The following DNER variants were observed in gnomAD, a reference collection of about 807,000 sequenced individuals.
The protein encoded by DNER is delta/notch like EGF repeat containing.
A neutral mutation model predicts 78.2 loss-of-function variants in DNER; 33 were observed. The observed-to-expected ratio is 0.42, with a 90% CI of 0.32 to 0.56. The LOEUF (loss-of-function observed/expected upper bound fraction) is 0.56. DNER is among the 20% of genes least tolerant of loss of function. DNER has a pLI of 0.11. For missense variants in DNER, 918 were observed against 975.3 expected, an observed-to-expected ratio of 0.94 and a Z score of 0.78; for synonymous variants, 417 against 384.8, an observed-to-expected ratio of 1.08 and a Z score of -0.98.
At chr2:229,368,546 A>C (rs926949379) in intron 11 of DNER, among the ~76,000 whole-genome samples, 3 of 152,248 alleles carry the variant, frequency 2.0e-5, no homozygotes, top group African/African-American at 7.2e-5. Context: ...GTTACCAAAC[A>C]GGATCTACTT....
At chr2:229,596,176 A>G (rs533344471) in intron 1 of DNER, among the ~76,000 whole-genome samples, 1 of 152,316 alleles carries the variant, frequency 6.6e-6, no homozygotes, top group South Asian at 2.1e-4. Context: ...AACATTTACT[A>G]AATGAATGAA....
chr2:229,419,373 T>C (rs758359989), intron 8 of DNER, among the ~76,000 whole-genome samples: 4 of 152,172 alleles, frequency 2.6e-5, no homozygotes, highest in Non-Finnish European at 5.9e-5. Flanking sequence ...CATGTGAGTG[T>C]TTTCAAAAGT....
intron 4 of DNER, among the ~76,000 whole-genome samples, chr2:229,564,892 G>A (rs551042628): frequency 6.6e-6 from 1 of 152,178 alleles, no homozygotes; most frequent in African/African-American, 2.4e-5. Context: ...AGTACAAGTA[G>A]ATTGAGTTCC....
At chr2:229,680,827 T>G (rs1049183857) in intron 1 of DNER, among the ~76,000 whole-genome samples, 1 of 152,212 alleles carries the variant, frequency 6.6e-6, no homozygotes, top group South Asian at 2.1e-4. Flanking sequence ...GAAAACCATA[T>G]AGAGAACAGT....
At chr2:229,622,369 C>A (rs921003522) in intron 1 of DNER, among the ~76,000 whole-genome samples, 24 of 152,168 alleles carry the variant, frequency 1.6e-4, no homozygotes, top group African/African-American at 5.8e-4. Flanking sequence ...AGGCCAGACA[C>A]AAAACCCTCA....
chr2:229,545,707 C>T (rs990869379), intron 5 of DNER, among the ~76,000 whole-genome samples: 1 of 152,244 alleles, frequency 6.6e-6, no homozygotes, highest in African/African-American at 2.4e-5. Context: ...GGAAGCTGTA[C>T]TCGGGCCTTG....
intron 5 of DNER, among the ~76,000 whole-genome samples, chr2:229,519,594 T>C (rs1479200315): frequency 6.6e-6 from 1 of 152,006 alleles, no homozygotes; most frequent in Non-Finnish European, 1.5e-5. Flanking sequence ...GTGTCCCAGC[T>C]GGCAAGCAGA....
At chr2:229,427,082 A>G (rs987879962) in intron 8 of DNER, among the ~76,000 whole-genome samples, 1 of 152,232 alleles carries the variant, frequency 6.6e-6, no homozygotes, top group Non-Finnish European at 1.5e-5. Flanking sequence ...TGTGATTTTT[A>G]TAAACATTAA....
At chr2:229,688,412 TC>T (rs1437599328) in intron 1 of DNER, among the ~76,000 whole-genome samples, 4 of 152,224 alleles carry the variant, frequency 2.6e-5, no homozygotes, top group Admixed American at 2.6e-4. Flanking sequence ...AAGAGGGGTT[TC>T]CCAGCATCAA....
At chr2:229,523,697 T>C (rs915543824) in intron 5 of DNER, among the ~76,000 whole-genome samples, 1 of 152,238 alleles carries the variant, frequency 6.6e-6, no homozygotes, top group African/African-American at 2.4e-5. Context: ...TTTCTGCTTC[T>C]TCCTCCAACT....
rs779351483 is a variant in DNER, at chr2:229,367,118, G to A, written c.1857C>T (p.His619=). 13 of 1,613,918 alleles carry A rather than the reference G, an allele frequency of 8.1e-6. No homozygotes were observed. In the Admixed American group the frequency reaches 2.2e-4, roughly 27 times the overall value. ...CCATGTGCCCGGACTTCCATTGGAG[G>A]TCTGCAGGCAAAAATAAGCAAATGG... The part of the protein sequence containing the change: ...HGWVGANCEI[H]LQWKSGHMAE... Residue 619 remains histidine, a splice_region_variant and synonymous_variant, in exon 12 of 13, where the codon CAC becomes CAT. Coordinates refer to ENST00000341772, the MANE Select transcript of DNER (RefSeq NM_139072.4).
chr2:229,494,990 G>A (rs1330909476), intron 6 of DNER, among the ~76,000 whole-genome samples: 1 of 152,096 alleles, frequency 6.6e-6, no homozygotes, highest in Non-Finnish European at 1.5e-5. Context: ...TTTATCAAAT[G>A]GTTCCTCAGC....
At chr2:229,368,592 T>G (rs572905472) in intron 11 of DNER, among the ~76,000 whole-genome samples, 1 of 152,378 alleles carries the variant, frequency 6.6e-6, no homozygotes, top group Non-Finnish European at 1.5e-5. Flanking sequence ...CTTATGAGTT[T>G]AAAATGTCTA....
At chr2:229,415,854 G>A (rs937102457) in intron 9 of DNER, among the ~76,000 whole-genome samples, 9 of 152,238 alleles carry the variant, frequency 5.9e-5, no homozygotes, top group Non-Finnish European at 1.2e-4. Flanking sequence ...GAGAGGGGCA[G>A]TACAATGCCG....
chr2:229,700,803 C>A (rs1699733904), intron 1 of DNER, among the ~76,000 whole-genome samples: 1 of 151,620 alleles, frequency 6.6e-6, no homozygotes, highest in African/African-American at 2.4e-5. Context: ...CACCTGTAGT[C>A]CCAGCTACTC....
At chr2:229,621,289 G>C (rs991924852) in intron 1 of DNER, among the ~76,000 whole-genome samples, 1 of 152,158 alleles carries the variant, frequency 6.6e-6, no homozygotes, top group Non-Finnish European at 1.5e-5. Flanking sequence ...CGTTGTCAAA[G>C]TAGAATCTTC....
rs377740109 is a variant in DNER at position 229,635,797 on chromosome 2, C to G, written c.277-43909G>C. Among the ~76,000 whole-genome samples, 4 of 152,126 alleles carry G rather than the reference C, an allele frequency of 2.6e-5. No individual in the cohort carries two copies. The East Asian group carries it at 7.7e-4, about 29-fold the overall frequency. On this transcript the variant is annotated intron_variant, in intron 1 of 12. Coordinates refer to ENST00000341772, the MANE Select transcript of DNER (RefSeq NM_139072.4). ...AAATAGTATTTTGTACAACATTTAC[C>G]ATGTACTGGTAACAAAAGCAAAACA...
intron 7 of DNER, among the ~76,000 whole-genome samples, chr2:229,459,850 A>G (rs1694654068): frequency 6.6e-6 from 1 of 151,098 alleles, no homozygotes; most frequent in Admixed American, 6.6e-5. Flanking sequence ...AACATAGTAA[A>G]ACTCCATCTC....
chr2:229,642,956 G>A (rs983847430), intron 1 of DNER, among the ~76,000 whole-genome samples: 2 of 152,158 alleles, frequency 1.3e-5, no homozygotes, highest in African/African-American at 4.8e-5. Context: ...AGGCACAGTG[G>A]CTCATGACTG....
Sources: gnomAD v4.1 joint callset for allele counts (sites outside exome capture counted in the v4.1 genomes callset) on GRCh38, gnomAD v4.1.1 for gene constraint, MANE v1.5 for transcripts, NCBI Gene and HGNC (gene_info 2026-07-23, HGNC 2026-07-21) for gene names.